Variants in ITGA9 observed in about 807,000 individuals in gnomAD.
The protein encoded by ITGA9 is integrin subunit alpha 9.
In ITGA9, 56 loss-of-function variants were observed where a neutral mutation model predicts 127.8. That is an observed-to-expected ratio of 0.44 (90% confidence interval 0.35 to 0.55). The LOEUF is 0.55. ITGA9 is among the 20% of genes least tolerant of loss of function. ITGA9 has a pLI of 0.00. For missense variants in ITGA9, 1,196 were observed against 1,347.1 expected (o/e 0.89, Z 1.76); for synonymous variants, 508 against 514.5 (o/e 0.99, Z 0.17).
chr3:37,785,676 A>G (rs1697031912), intron 26 of ITGA9, among the ~76,000 whole-genome samples: 1 of 152,052 alleles, frequency 6.6e-6, no homozygotes, highest in South Asian at 2.1e-4. Flanking sequence ...ATAGGGTTCC[A>G]CGATGTTGCT....
At position 37,806,916 on chromosome 3, in the gene ITGA9, G is replaced by A. The variant is rs1697306033; in HGVS notation, c.3009+2974G>A. On this transcript the variant is annotated intron_variant, in intron 27 of 27. Coordinates refer to ENST00000264741, the MANE Select transcript of ITGA9 (RefSeq NM_002207.3). The surrounding 1 kb of genome is among the most constrained non-coding windows in gnomAD (Gnocchi z 4.3). ...CTTGCTTTGCCTGGACTAGGCACTG[G>A]GATGCAGCAATAACTGTGCCCTTCC... 6.6e-6 allele frequency: 1 copy of A among 152,236 alleles called. No homozygotes were observed. Among genetic ancestry groups the A allele is most frequent in the Non-Finnish European group, 1.5e-5 (1 of 68,088 alleles). The allele number at this position is 152,236 out of a possible 1,614,324, so 9.4% of individuals were successfully genotyped here. A position where few individuals can be genotyped will look rare whatever the true frequency, so the allele number is the denominator to read the frequency against.
chr3:37,482,416 G>A (rs886435193), intron 4 of ITGA9, among the ~76,000 whole-genome samples: 24 of 152,200 alleles, frequency 1.6e-4, no homozygotes, highest in Admixed American at 2.6e-4. Context: ...AGCTTTAAGC[G>A]TTCAGAAAAC....
chr3:37,631,618 G>A (rs1223790609), intron 16 of ITGA9, among the ~76,000 whole-genome samples: 2 of 152,174 alleles, frequency 1.3e-5, no homozygotes, highest in African/African-American at 4.8e-5. Flanking sequence ...GAAGTAAATG[G>A]AAGAGTGTTA....
rs1331158990 is a variant in ITGA9 at position 37,819,941 on chromosome 3, T to C, written c.*952T>C. On this transcript the variant is annotated 3_prime_UTR_variant, in exon 28 of 28. Coordinates refer to ENST00000264741, the MANE Select transcript of ITGA9 (RefSeq NM_002207.3). ...TGAATGCTGTGAGGGATTGCCTTTT[T>C]GTGGTAATTTTCATTGAGAGATCTT... 1.3e-5 allele frequency: 2 copies of C among 152,184 alleles called. No homozygotes were observed. The highest frequency in any genetic ancestry group is 4.8e-5 in the African/African-American group (2 of 41,418). 9.4% of individuals were successfully genotyped at this position (152,184 alleles called of 1,614,324 possible). A position where few individuals can be genotyped will look rare whatever the true frequency, so the allele number is the denominator to read the frequency against.
At chr3:37,500,318 C>G (rs894811603) in intron 5 of ITGA9, among the ~76,000 whole-genome samples, 9 of 152,158 alleles carry the variant, frequency 5.9e-5, no homozygotes, top group Non-Finnish European at 1.2e-4. Flanking sequence ...GTGAGATACC[C>G]CTGGGAACAT....
intron 18 of ITGA9, among the ~76,000 whole-genome samples, chr3:37,688,636 C>G (rs756482346): frequency 7.9e-5 from 12 of 152,158 alleles, no homozygotes; most frequent in Non-Finnish European, 1.6e-4. Context: ...ACCATGCCCC[C>G]ACATACTCAC....
chr3:37,566,040 A>G (rs1699543558), intron 15 of ITGA9, among the ~76,000 whole-genome samples: 1 of 152,192 alleles, frequency 6.6e-6, no homozygotes, highest in Non-Finnish European at 1.5e-5. Context: ...CCTGGCTCCT[A>G]TTGTCTCTGT....
intron 1 of ITGA9, among the ~76,000 whole-genome samples, chr3:37,469,953 G>A (rs967562791): frequency 2.0e-5 from 3 of 151,868 alleles, no homozygotes; most frequent in African/African-American, 7.3e-5. Flanking sequence ...CTGCCACCAT[G>A]CCCAGCTAAT....
intron 8 of ITGA9, 83 bp downstream of exon 8, chr3:37,508,710 G>A (rs1476114247): frequency 9.0e-7 from 1 of 1,106,672 alleles, no homozygotes; most frequent in Non-Finnish European, 1.4e-6. Flanking sequence ...AAATTGGTTT[G>A]AAGGCCCTAC....
chr3:37,720,338 C>T (rs1430760970), intron 18 of ITGA9, among the ~76,000 whole-genome samples: 3 of 152,192 alleles, frequency 2.0e-5, no homozygotes, highest in Admixed American at 1.3e-4. Context: ...AAACACCATT[C>T]ATGAGTTGTT....
At chr3:37,805,593 G>C (rs564252493) in intron 27 of ITGA9, among the ~76,000 whole-genome samples, 1 of 152,072 alleles carries the variant, frequency 6.6e-6, no homozygotes, top group Non-Finnish European at 1.5e-5. Flanking sequence ...TCATTATGTC[G>C]TTAGGTTGAA....
chr3:37,548,577 C>T (rs542882775), intron 15 of ITGA9, among the ~76,000 whole-genome samples: 1 of 152,204 alleles, frequency 6.6e-6, no homozygotes, highest in South Asian at 2.1e-4. Flanking sequence ...ATTTATTTAA[C>T]CTGTCCAGGT....
At position 37,605,605 on chromosome 3, in the gene ITGA9, T is replaced by C. The variant is rs1575164510; in HGVS notation, c.1690-23582T>C. Reference sequence around the variant, plus strand: ...AAATGAGGACAAGTATTTTCTCATGTGGTTTCTAGGACAAATAAGTATTCG... The same window carrying C: ...AAATGAGGACAAGTATTTTCTCATGCGGTTTCTAGGACAAATAAGTATTCG... On this transcript the variant is annotated intron_variant, in intron 15 of 27. Transcript: ENST00000264741. Among the ~76,000 whole-genome samples the C allele has an allele frequency of 3.9e-5, 6 of 152,206 alleles. No individual in the cohort carries two copies. The East Asian group carries it at 1.2e-3, about 29-fold the overall frequency.
At chr3:37,639,505 C>G (rs1700312492) in intron 16 of ITGA9, among the ~76,000 whole-genome samples, 2 of 152,184 alleles carry the variant, frequency 1.3e-5, no homozygotes, top group South Asian at 4.2e-4. Flanking sequence ...CTAAAGGTCT[C>G]TCACGTGGCT....
intron 26 of ITGA9, among the ~76,000 whole-genome samples, chr3:37,791,339 A>G (rs1242044756): frequency 6.7e-6 from 1 of 148,662 alleles, no homozygotes; most frequent in African/African-American, 2.5e-5. Flanking sequence ...AGCTGCTGCC[A>G]TATGGAGCAT....
At chr3:37,587,519 A>G (rs971550951) in intron 15 of ITGA9, among the ~76,000 whole-genome samples, 1 of 152,164 alleles carries the variant, frequency 6.6e-6, no homozygotes, top group South Asian at 2.1e-4. Context: ...AAACCAAACC[A>G]AGAACCCACC....
chr3:37,554,728 G>C (rs1699413536), intron 15 of ITGA9, among the ~76,000 whole-genome samples: 1 of 152,128 alleles, frequency 6.6e-6, no homozygotes, highest in Admixed American at 6.5e-5. Flanking sequence ...ATTGTCAGTT[G>C]TGAGGGAATA....
At position 37,614,237 on chromosome 3, in the gene ITGA9, C is replaced by T. The variant is rs1161021582; in HGVS notation, c.1690-14950C>T. Among the ~76,000 whole-genome samples, 2 of 152,114 alleles carry T rather than the reference C, an allele frequency of 1.3e-5. 1 individual carries two copies. Among genetic ancestry groups the T allele is most frequent in the Non-Finnish European group, 2.9e-5 (2 of 68,038 alleles). On this transcript the variant is annotated intron_variant, in intron 15 of 27. Transcript: ENST00000264741. ...TAAATAGGGAATCCTTTCCCCATTGCTTGTTTTCGTCAGGTTTGTCAAAGA... is the reference window on the plus strand; with the variant it reads ...TAAATAGGGAATCCTTTCCCCATTGTTTGTTTTCGTCAGGTTTGTCAAAGA...
intron 17 of ITGA9, among the ~76,000 whole-genome samples, chr3:37,661,121 T>G (rs555069046): frequency 3.3e-5 from 5 of 152,322 alleles, no homozygotes. Flanking sequence ...AGGTGAAGAC[T>G]TGGGACCCAT....
Sources: allele counts gnomAD v4.1 joint callset (sites outside exome capture counted in the v4.1 genomes callset), GRCh38; gene constraint gnomAD v4.1.1; non-coding constraint Gnocchi (gnomAD v3.1); transcripts MANE v1.5; gene names NCBI Gene and HGNC (gene_info 2026-07-23, HGNC 2026-07-21).